Variants in TTC6 observed in about 807,000 individuals in gnomAD.
TTC6 encodes the protein tetratricopeptide repeat protein 6.
In TTC6, 172 loss-of-function variants were observed where a neutral mutation model predicts 210.4. The ratio of observed to expected loss-of-function variants is 0.82; its 90% CI spans 0.72 to 0.93. The LOEUF (loss-of-function observed/expected upper bound fraction) is 0.93. Among genes scored for constraint, TTC6 ranks in the 40% least tolerant of loss-of-function variants. The pLI, the probability that TTC6 is intolerant of heterozygous loss-of-function variation, is 0.00. For synonymous variants in TTC6, 804 were observed against 819.6 expected, an observed-to-expected ratio of 0.98 and a Z score of 0.32; for missense variants, 2,414 against 2,318.1, an observed-to-expected ratio of 1.04 and a Z score of -0.85.
chr14:37,739,296 G>A, intron 10 of TTC6, 141 bp downstream of exon 12: 1 of 918,154 alleles, frequency 1.1e-6, no homozygotes, highest in South Asian at 2.4e-5. Flanking sequence ...CAAACCTCTG[G>A]CTGGGCGCCG....
At chr14:37,804,639 G>T in intron 20 of TTC6, 41 bp from the exon 23 acceptor site, 2 of 1,598,426 alleles carry the variant, frequency 1.3e-6, no homozygotes, top group South Asian at 1.1e-5. Context: ...ATAGTGGAAA[G>T]AAACATTTCT....
intron 26 of TTC6, among the ~76,000 whole-genome samples, chr14:37,818,263 T>A (rs2096146954): frequency 6.6e-6 from 1 of 152,132 alleles, no homozygotes; most frequent in Non-Finnish European, 1.5e-5. Flanking sequence ...ATATAGAAGA[T>A]AATCAGCTTA....
intron 5 of TTC6, among the ~76,000 whole-genome samples, chr14:37,709,900 T>A (rs1165001178): frequency 1.3e-5 from 2 of 152,140 alleles, no homozygotes; most frequent in African/African-American, 2.4e-5. Flanking sequence ...TAAAGCTTTT[T>A]CCAGACCTTG....
chr14:37,774,208 T>C (rs2096029874), intron 14 of TTC6, among the ~76,000 whole-genome samples: 1 of 152,144 alleles, frequency 6.6e-6, no homozygotes, highest in Non-Finnish European at 1.5e-5. Context: ...CATCTGGAAA[T>C]AGGGATAGTT....
At chr14:37,693,873 A>G (rs1384962905) in intron 3 of TTC6, among the ~76,000 whole-genome samples, 4 of 152,142 alleles carry the variant, frequency 2.6e-5, no homozygotes, top group Non-Finnish European at 5.9e-5. Flanking sequence ...AATGATATCC[A>G]TATGCAGAAG....
chr14:37,721,535 T>C (rs2095861756), intron 6 of TTC6, among the ~76,000 whole-genome samples: 1 of 152,074 alleles, frequency 6.6e-6, no homozygotes, highest in African/African-American at 2.4e-5. Flanking sequence ...GTGACCAGTT[T>C]GCTTCATCCC....
chr14:37,653,250 A>G (rs1042724746), intron 1 of TTC6, among the ~76,000 whole-genome samples: 4 of 152,188 alleles, frequency 2.6e-5, no homozygotes, highest in African/African-American at 9.6e-5. Flanking sequence ...ATACATGGGA[A>G]ATATATATGA....
At chr14:37,645,204 T>G (rs542502711) in intron 1 of TTC6, among the ~76,000 whole-genome samples, 4 of 152,298 alleles carry the variant, frequency 2.6e-5, no homozygotes, top group Non-Finnish European at 5.9e-5. Flanking sequence ...GTGGAAAAAT[T>G]TCTTCAAATG....
At chr14:37,722,299 A>T (rs1295405750) in intron 6 of TTC6, among the ~76,000 whole-genome samples, 1 of 152,090 alleles carries the variant, frequency 6.6e-6, no homozygotes, top group Non-Finnish European at 1.5e-5. Context: ...GTTGCTTCTA[A>T]TATTTTCCTA....
At chr14:37,789,606 A>ATATATC (rs1170504556) in intron 15 of TTC6, among the ~76,000 whole-genome samples, 25 of 146,966 alleles carry the variant, frequency 1.7e-4, no homozygotes, top group Non-Finnish European at 3.4e-4. Flanking sequence ...TTATATATAT[A>ATATATC]TATATATATA....
At chr14:37,769,475 T>A (rs1210109853) in intron 14 of TTC6, among the ~76,000 whole-genome samples, 1 of 152,162 alleles carries the variant, frequency 6.6e-6, no homozygotes, top group Non-Finnish European at 1.5e-5. Context: ...TGCCACAATT[T>A]CAGCTCCTGT....
At chr14:37,801,429 A>T (rs2139388625) in intron 20 of TTC6, among the ~76,000 whole-genome samples, 1 of 152,286 alleles carries the variant, frequency 6.6e-6, no homozygotes, top group Non-Finnish European at 1.5e-5. Context: ...ACACTCTAAG[A>T]TTATTCTTAA....
chr14:37,820,021 A>G (rs1395495364), intron 26 of TTC6, among the ~76,000 whole-genome samples: 2 of 152,236 alleles, frequency 1.3e-5, no homozygotes, highest in African/African-American at 2.4e-5. Context: ...TTAACAATTT[A>G]TATCTCATTG....
intron 1 of TTC6, among the ~76,000 whole-genome samples, chr14:37,646,251 A>G (rs896799971): frequency 6.6e-6 from 1 of 152,182 alleles, no homozygotes; most frequent in Non-Finnish European, 1.5e-5. Context: ...AAATGGAGAA[A>G]ATGAGCTAGG....
chr14:37,651,408 TATATATATATATATATA>T (rs1442766190), intron 1 of TTC6, among the ~76,000 whole-genome samples: 79 of 19,350 alleles, frequency 4.1e-3, no homozygotes, highest in African/African-American at 8.4e-3. Context: ...TATATATATA[TATATATATATATATATA>T]TTTTTTTTTT....
intron 7 of TTC6, among the ~76,000 whole-genome samples, chr14:37,731,345 T>A (rs2095885550): frequency 6.6e-6 from 1 of 152,206 alleles, no homozygotes; most frequent in African/African-American, 2.4e-5. Flanking sequence ...TTAGGAACAC[T>A]AGCCAACACT....
intron 6 of TTC6, among the ~76,000 whole-genome samples, chr14:37,716,271 A>G (rs1316430512): frequency 6.6e-6 from 1 of 152,152 alleles, no homozygotes; most frequent in Non-Finnish European, 1.5e-5. Flanking sequence ...ACAGGAAGAC[A>G]GGAAAAAGAA....
chr14:37,815,144 C>T (rs910268214), intron 25 of TTC6, among the ~76,000 whole-genome samples: 6 of 152,118 alleles, frequency 3.9e-5, no homozygotes, highest in Admixed American at 1.3e-4. Flanking sequence ...AAGAGATGTT[C>T]AGGCACCTCA....
chr14:37,716,413 C>T (rs1194916638), intron 6 of TTC6, among the ~76,000 whole-genome samples: 3 of 151,956 alleles, frequency 2.0e-5, no homozygotes, highest in African/African-American at 7.2e-5. Flanking sequence ...GATTAAAACA[C>T]ATGACCCAGA....
Sources: gnomAD v4.1 joint callset for allele counts (sites outside exome capture counted in the v4.1 genomes callset) on GRCh38, gnomAD v4.1.1 for gene constraint, MANE v1.5 for transcripts, NCBI Gene and HGNC (gene_info 2026-07-23, HGNC 2026-07-21) for gene names.